The following IDE variants were observed in gnomAD, a reference collection of about 807,000 sequenced individuals.
IDE encodes the protein insulin degrading enzyme.
Under a neutral mutation model 133.2 loss-of-function variants are expected in IDE, and 58 were observed. The observed-to-expected ratio is 0.44, with a 90% CI of 0.35 to 0.54. The LOEUF (loss-of-function observed/expected upper bound fraction) is 0.54, where lower values mean the gene tolerates loss of function less well. Among genes scored for constraint, IDE ranks in the 20% least tolerant of loss-of-function variants. The pLI, the probability that IDE is intolerant of heterozygous loss-of-function variation, is 0.00. For synonymous variants in IDE, 396 were observed against 421.3 expected, an observed-to-expected ratio of 0.94 and a Z score of 0.73; for missense variants, 981 against 1,234.0, an observed-to-expected ratio of 0.79 and a Z score of 3.07.
intron 2 of IDE, among the ~76,000 whole-genome samples, chr10:92,535,223 C>G (rs1841935203): frequency 6.6e-6 from 1 of 152,198 alleles, no homozygotes; most frequent in Non-Finnish European, 1.5e-5. Flanking sequence ...CCTGCCTCAG[C>G]CTCCTGAGTA....
In IDE at chr10:92,453,004, AT is replaced by A. The variant is rs2135279536; in HGVS notation, c.*1439del. The A allele has an allele frequency of 6.6e-6, 1 of 152,324 alleles. No homozygotes were observed. The highest frequency in any genetic ancestry group is 1.9e-4 in the East Asian group (1 of 5,190). 9.4% of individuals were successfully genotyped at this position (152,324 alleles called of 1,614,324 possible). On this transcript the variant is annotated 3_prime_UTR_variant, in exon 25 of 25. Coordinates refer to ENST00000265986, the MANE Select transcript of IDE (RefSeq NM_004969.4). Reference sequence around the variant, plus strand: ...TATATCGTTCTTGCCCAAAATTGAGATTTGGAAAATGGCAAATGTAAAAACT... The same window carrying A: ...TATATCGTTCTTGCCCAAAATTGAGATTGGAAAATGGCAAATGTAAAAACT...
At position 92,466,263 on chromosome 10, in the gene IDE, A is replaced by G. The variant is rs1277514277; in HGVS notation, c.2321-420T>C. Among the ~76,000 whole-genome samples the G allele has an allele frequency of 2.1e-5, 3 of 145,320 alleles. No homozygotes were observed. The East Asian group carries it at 6.2e-4, about 30-fold the overall frequency. ...AAAAAAAAAAAAAAAGCAGAGAGAG[A>G]GGAACGTGGCCTGTAAGCCTCTCTC... On this transcript the variant is annotated intron_variant, in intron 19 of 24. Transcript: ENST00000265986.
intron 14 of IDE, among the ~76,000 whole-genome samples, chr10:92,481,310 C>T (rs1357614489): frequency 3.3e-5 from 5 of 152,162 alleles, no homozygotes; most frequent in African/African-American, 1.2e-4. Flanking sequence ...GGCAAGGTGG[C>T]ATACGCCTGT....
At chr10:92,495,966 CT>C (rs1449425423) in intron 11 of IDE, among the ~76,000 whole-genome samples, 1 of 152,066 alleles carries the variant, frequency 6.6e-6, no homozygotes, top group Non-Finnish European at 1.5e-5. Flanking sequence ...CCTCCGCCCC[CT>C]GGGTTCAAGC....
chr10:92,556,917 C>T (rs1007027959), intron 1 of IDE, among the ~76,000 whole-genome samples: 8 of 136,358 alleles, frequency 5.9e-5, no homozygotes, highest in East Asian at 4.2e-4. Context: ...AGTGAGACTC[C>T]GCCTCAAAAA....
At chr10:92,533,954 C>T (rs574467483) in intron 3 of IDE, among the ~76,000 whole-genome samples, 7 of 151,436 alleles carry the variant, frequency 4.6e-5, no homozygotes, top group Non-Finnish European at 8.8e-5. Context: ...ACCCGGAAGG[C>T]GAAGGTTGCA....
rs80277488 is a variant in IDE, at chr10:92,509,024, C to T, written c.898-134G>A. On this transcript the variant is annotated intron_variant, in intron 6 of 24. Coordinates refer to ENST00000265986, the MANE Select transcript of IDE (RefSeq NM_004969.4). ...ATCAATTGCCACAGAAAATGATACA[C>T]TGACCACAAAGAAATAAATGACTCA... 4,343 of 658,576 alleles carry T rather than the reference C, an allele frequency of 6.6e-3. 32 individuals carry two copies. Among genetic ancestry groups the T allele is most frequent in the Middle Eastern group, 0.014 (32 of 2,274 alleles). 40.8% of individuals were successfully genotyped at this position (658,576 alleles called of 1,614,324 possible). A position where few individuals can be genotyped will look rare whatever the true frequency, so the allele number is the denominator to read the frequency against.
chr10:92,539,043 A>C (rs1842163302), intron 1 of IDE, among the ~76,000 whole-genome samples: 2 of 151,142 alleles, frequency 1.3e-5, no homozygotes, highest in Admixed American at 1.3e-4. Flanking sequence ...ATCTCTAGAG[A>C]TTGAGAGAGG....
chr10:92,473,756 G>A (rs753641084), intron 17 of IDE, among the ~76,000 whole-genome samples: 10 of 152,108 alleles, frequency 6.6e-5, no homozygotes, highest in East Asian at 1.9e-4. Context: ...CAAGGCAGGC[G>A]GATCACCGGA....
chr10:92,502,679 T>A (rs940449700), intron 11 of IDE, among the ~76,000 whole-genome samples: 1 of 152,232 alleles, frequency 6.6e-6, no homozygotes, highest in African/African-American at 2.4e-5. Flanking sequence ...ACTTAACATA[T>A]TACGTTATAC....
intron 11 of IDE, among the ~76,000 whole-genome samples, chr10:92,494,720 G>A (rs532466526): frequency 1.3e-5 from 2 of 152,332 alleles, no homozygotes; most frequent in South Asian, 4.1e-4. Flanking sequence ...TGTTTGGAGC[G>A]AATGCAGCTG....
chr10:92,502,248 C>G (rs1454058755), intron 11 of IDE, among the ~76,000 whole-genome samples: 1 of 152,264 alleles, frequency 6.6e-6, no homozygotes, highest in East Asian at 1.9e-4. Context: ...TTAATAATAT[C>G]AAGTCTCCTA....
Position 92,507,682 on chromosome 10 carries a change from A to G in IDE, c.1154-16T>C. On this transcript the variant is annotated splice_polypyrimidine_tract_variant and intron_variant, in intron 8 of 24. Coordinates refer to ENST00000265986, the MANE Select transcript of IDE (RefSeq NM_004969.4). ...TCAACATGTACTGGAAAAAAGGGGC[A>G]CACTTAAAAACCATTCAGTCCTTGA... 7.6e-7 allele frequency: 1 copy of G among 1,322,168 alleles called. No individual in the cohort carries two copies. Among genetic ancestry groups the G allele is most frequent in the Non-Finnish European group, 1.1e-6 (1 of 913,726 alleles). The allele number at this position is 1,322,168 out of a possible 1,614,324, so 81.9% of individuals were successfully genotyped here.
chr10:92,526,016 C>T (rs1564649954), intron 4 of IDE, among the ~76,000 whole-genome samples: 1 of 151,714 alleles, frequency 6.6e-6, no homozygotes, highest in African/African-American at 2.4e-5. Context: ...ATCAGCTGGG[C>T]GTTGTGGTGC....
At chr10:92,559,858 C>A (rs72811205) in intron 1 of IDE, among the ~76,000 whole-genome samples, 24,907 of 151,522 alleles carry the variant, frequency 0.16, 2,373 homozygotes, top group Non-Finnish European at 0.21. Flanking sequence ...CCGCCTCAGC[C>A]TCTGGAATAG....
At chr10:92,510,794 A>G (rs1239490998) in intron 5 of IDE, among the ~76,000 whole-genome samples, 2 of 132,722 alleles carry the variant, frequency 1.5e-5, no homozygotes, top group South Asian at 4.8e-4. Flanking sequence ...CTCACATGAT[A>G]TATAGCACAT....
chr10:92,573,661 GC>G (rs1316712661), intron 1 of IDE, among the ~76,000 whole-genome samples: 5 of 152,204 alleles, frequency 3.3e-5, no homozygotes, highest in African/African-American at 1.2e-4. Context: ...ACGCCCCGTG[GC>G]CCCGGGTAGC....
rs1186672997 is a variant in IDE, at chr10:92,573,973, G to T, written c.47C>A (p.Thr16Asn). The change falls in exon 1 of 25, where the codon ACC (threonine) becomes AAC (asparagine). Residue 16 changes from threonine (T) to asparagine (N), a missense_variant. Transcript: ENST00000265986. ...GCGGGCGCCGAGGACTGAGCGGAAGGTGCTGGGCAGTGCGGGGTGCAGAAG... is the reference window on the plus strand; with the variant it reads ...GCGGGCGCCGAGGACTGAGCGGAAGTTGCTGGGCAGTGCGGGGTGCAGAAG... ...AWLLHPALPS[T>N]FRSVLGARLP... 11 of 1,504,156 alleles carry T rather than the reference G, an allele frequency of 7.3e-6. No homozygotes were observed. The highest frequency in any genetic ancestry group is 8.9e-6 in the Non-Finnish European group (10 of 1,129,530). 93.2% of individuals were successfully genotyped at this position (1,504,156 alleles called of 1,614,324 possible).
chr10:92,543,793 C>T (rs539034873), intron 1 of IDE, among the ~76,000 whole-genome samples: 3 of 152,246 alleles, frequency 2.0e-5, no homozygotes, highest in South Asian at 2.1e-4. Flanking sequence ...TTTATAGAAA[C>T]GTTATAAAGT....
Sources: gnomAD v4.1 joint callset for allele counts (sites outside exome capture counted in the v4.1 genomes callset) on GRCh38, gnomAD v4.1.1 for gene constraint, MANE v1.5 for transcripts, NCBI Gene and HGNC (gene_info 2026-07-23, HGNC 2026-07-21) for gene names.